The following MDGA1 variants were observed in gnomAD, a reference collection of about 807,000 sequenced individuals.
The protein encoded by MDGA1 is MAM domain containing glycosylphosphatidylinositol anchor 1.
A neutral mutation model predicts 101.5 loss-of-function variants in MDGA1; 54 were observed. That is an observed-to-expected ratio of 0.53 (90% CI 0.43 to 0.67). The LOEUF is 0.67. MDGA1 is among the 30% of genes least tolerant of loss of function. The pLI, the probability that MDGA1 is intolerant of heterozygous loss-of-function variation, is 0.00. For synonymous variants in MDGA1, 533 were observed against 558.3 expected (o/e 0.95, Z 0.64); for missense variants, 1,083 against 1,323.8 (o/e 0.82, Z 2.82).
chr6:37,653,789 T>C (rs1761421217), intron 6 of MDGA1, among the ~76,000 whole-genome samples: 1 of 152,212 alleles, frequency 6.6e-6, no homozygotes, highest in Non-Finnish European at 1.5e-5. Context: ...CATTTAGTAA[T>C]TATCTTCAGA....
intron 9 of MDGA1, chr6:37,648,182 G>C (rs1358686497): frequency 6.6e-6 from 1 of 152,224 alleles, no homozygotes; most frequent in Admixed American, 6.5e-5. Context: ...GGCTGAGAGG[G>C]GTTTCTGGGC....
At position 37,638,059 on chromosome 6, in the gene MDGA1, TCA is replaced by T. The variant is rs1049022822; in HGVS notation, c.2776+144_2776+145del. 2.9e-6 allele frequency: 2 copies of T among 699,884 alleles called. No homozygotes were observed. The highest frequency in any genetic ancestry group is 5.2e-6 in the Non-Finnish European group (2 of 386,410). The allele number at this position is 699,884 out of a possible 1,614,324, so 43.4% of individuals were successfully genotyped here. ...GCCTGAGTGAGTGTGGGGCACACCTTCACACAGTCAGAGCCACATGATTCCCA... is the reference window on the plus strand; with the variant it reads ...GCCTGAGTGAGTGTGGGGCACACCTTCACAGTCAGAGCCACATGATTCCCA... On this transcript the variant is annotated intron_variant, in intron 16 of 16. Coordinates refer to ENST00000434837, the MANE Select transcript of MDGA1 (RefSeq NM_153487.4). The surrounding 1 kb of genome is among the most constrained non-coding windows in gnomAD (Gnocchi z 4.8).
intron 9 of MDGA1, 46 bp downstream of exon 9, chr6:37,648,936 C>T (rs1172103241): frequency 1.3e-6 from 2 of 1,534,000 alleles, no homozygotes; most frequent in South Asian, 1.2e-5. Flanking sequence ...CAGAGCCTGG[C>T]CCCTGGTGGG....
intron 1 of MDGA1, among the ~76,000 whole-genome samples, chr6:37,682,355 G>A (rs1045808426): frequency 2.0e-5 from 3 of 152,138 alleles, no homozygotes; most frequent in Non-Finnish European, 2.9e-5. Flanking sequence ...GTGGTGGCGG[G>A]TGCCTGTAAT....
chr6:37,658,334 A>T lies in MDGA1; in HGVS notation c.293T>A (p.Ile98Asn). The T allele has an allele frequency of 6.2e-7, 1 of 1,613,206 alleles. No homozygotes were observed. Among genetic ancestry groups the T allele is most frequent in the Non-Finnish European group, 8.5e-7 (1 of 1,179,722 alleles). Residue 98 changes from isoleucine (I) to asparagine (N), a missense_variant, in exon 3 of 17, where the codon ATT becomes AAT. Ile to Asn is a moderately radical substitution (Grantham distance 149). Coordinates refer to ENST00000434837, the MANE Select transcript of MDGA1 (RefSeq NM_153487.4). ...GTAGCGGCCGCCCTGCGTGCGTGCAATACGCTCGATGCGCAGCGTCTCGTT... is the reference window on the plus strand; with the variant it reads ...GTAGCGGCCGCCCTGCGTGCGTGCATTACGCTCGATGCGCAGCGTCTCGTT... ...VFNETLRIER[I>N]ARTQGGRYYC... is the part of the protein sequence containing the mutation.
At chr6:37,641,533 C>T (rs542748781) in intron 14 of MDGA1, among the ~76,000 whole-genome samples, 150 of 152,354 alleles carry the variant, frequency 9.8e-4, no homozygotes, top group African/African-American at 3.5e-3. Context: ...TCCCCTTTCG[C>T]TATCTTGACC....
At chr6:37,679,065 C>A (rs1181424939) in intron 1 of MDGA1, among the ~76,000 whole-genome samples, 12 of 151,968 alleles carry the variant, frequency 7.9e-5, no homozygotes, top group Admixed American at 7.9e-4. Flanking sequence ...AAATGCAATA[C>A]CTGCCCTCCT....
At chr6:37,689,584 T>C (rs1359414356) in intron 1 of MDGA1, among the ~76,000 whole-genome samples, 1 of 152,224 alleles carries the variant, frequency 6.6e-6, no homozygotes, top group African/African-American at 2.4e-5. Flanking sequence ...AGAAAGCAGA[T>C]GTAACTTCCT....
At position 37,672,137 on chromosome 6, in the gene MDGA1, T is replaced by C. The variant is rs142291813; in HGVS notation, c.68-8031A>G. 7.8e-3 allele frequency among the ~76,000 whole-genome samples: 1,162 copies of C among 148,558 alleles called. 16 individuals carry two copies. The highest frequency in any genetic ancestry group is 0.028 in the African/African-American group (1,102 of 39,964). ...ACCTGGGTGACAGAGTGAGACTCCA[T>C]CTAAAAAAAAGAAAAAAAAAAAGTT... is the stretch of plus-strand genomic sequence containing the variant. On this transcript the variant is annotated intron_variant, in intron 1 of 16. Transcript: ENST00000434837.
At chr6:37,653,250 A>G (rs538126582) in intron 6 of MDGA1, among the ~76,000 whole-genome samples, 1 of 152,372 alleles carries the variant, frequency 6.6e-6, no homozygotes, top group South Asian at 2.1e-4. Flanking sequence ...AAATGGAATC[A>G]GGTGGAGAAA....
intron 1 of MDGA1, among the ~76,000 whole-genome samples, chr6:37,688,650 A>T (rs966667359): frequency 2.0e-5 from 3 of 152,110 alleles, no homozygotes; most frequent in Non-Finnish European, 4.4e-5. Flanking sequence ...CATGCCACCC[A>T]CACCCGGAGC....
At position 37,644,656 on chromosome 6, in the gene MDGA1, T is replaced by A; in HGVS notation, c.2249-7A>T. The A allele has an allele frequency of 5.7e-6, 9 of 1,565,710 alleles. No homozygotes were observed. The highest frequency in any genetic ancestry group is 7.8e-6 in the Non-Finnish European group (9 of 1,155,718). The stretch of plus-strand genomic sequence containing the variant: ...TCAAAGTGGCAGGTGTTGTCTGCAT[T>A]TTATGGGGCGAATGAGACAAAGAGT... On this transcript the variant is annotated splice_region_variant and splice_polypyrimidine_tract_variant and intron_variant, in intron 12 of 16. Coordinates refer to ENST00000434837, the MANE Select transcript of MDGA1 (RefSeq NM_153487.4).
rs1763890145 is a variant in MDGA1 at position 37,634,804 on chromosome 6, C to G, written c.*2564G>C. On this transcript the variant is annotated 3_prime_UTR_variant, in exon 17 of 17. Coordinates refer to ENST00000434837, the MANE Select transcript of MDGA1 (RefSeq NM_153487.4). This position sits in a 1 kb window ranked among gnomAD's most constrained non-coding sequence, Gnocchi z 4.7. Reference sequence around the variant, plus strand: ...CCCTTCGTCCATAAAGACCAGGAACCTGGGGGCCACATGTATGCAGTTCAG... The same window carrying G: ...CCCTTCGTCCATAAAGACCAGGAACGTGGGGGCCACATGTATGCAGTTCAG... The G allele has an allele frequency of 6.5e-6, 1 of 152,748 alleles. No homozygotes were observed. The highest frequency in any genetic ancestry group is 1.5e-5 in the Non-Finnish European group (1 of 68,464). The allele number at this position is 152,748 out of a possible 1,614,324, so 9.5% of individuals were successfully genotyped here.
chr6:37,673,571 G>T (rs532835108), intron 1 of MDGA1, among the ~76,000 whole-genome samples: 1 of 152,326 alleles, frequency 6.6e-6, no homozygotes, highest in South Asian at 2.1e-4. Context: ...GCCATCAAGC[G>T]TGGGCCTCTT....
In MDGA1 at chr6:37,635,133, A is replaced by T. The variant is rs974351692; in HGVS notation, c.*2235T>A. Reference sequence around the variant, plus strand: ...GCTTTTCAACATTTCTTGATGTCCGACTGCGCTCCAGTCCAATTAACTCAG... The same window carrying T: ...GCTTTTCAACATTTCTTGATGTCCGTCTGCGCTCCAGTCCAATTAACTCAG... On this transcript the variant is annotated 3_prime_UTR_variant, in exon 17 of 17. Transcript: ENST00000434837. The T allele has an allele frequency of 3.5e-5, 8 of 226,916 alleles. No homozygotes were observed. The highest frequency in any genetic ancestry group is 1.6e-4 in the African/African-American group (7 of 44,386). The allele number at this position is 226,916 out of a possible 1,614,324, so 14.1% of individuals were successfully genotyped here. A position where few individuals can be genotyped will look rare whatever the true frequency, so the allele number is the denominator to read the frequency against.
chr6:37,658,964 G>C (rs1356471965), intron 2 of MDGA1, among the ~76,000 whole-genome samples: 1 of 45,104 alleles, frequency 2.2e-5, no homozygotes, highest in Non-Finnish European at 3.8e-5. Flanking sequence ...GAGCAAGACT[G>C]TTTCAAAAAA....
At chr6:37,662,051 T>C (rs1581606534) in intron 2 of MDGA1, among the ~76,000 whole-genome samples, 1 of 148,434 alleles carries the variant, frequency 6.7e-6, no homozygotes, top group Non-Finnish European at 1.5e-5. Context: ...TAGTCCCAGG[T>C]ACTTGGGAGG....
intron 14 of MDGA1, among the ~76,000 whole-genome samples, chr6:37,640,245 A>G (rs1053062564): frequency 1.3e-5 from 2 of 152,194 alleles, no homozygotes; most frequent in Non-Finnish European, 2.9e-5. Flanking sequence ...GAATAGGCTG[A>G]GCAAAAGCCC....
At chr6:37,672,034 G>A (rs1379005735) in intron 1 of MDGA1, among the ~76,000 whole-genome samples, 1 of 151,960 alleles carries the variant, frequency 6.6e-6, no homozygotes. Context: ...CCAGTTACTC[G>A]GGAGGCTGAG....
Sources: allele counts gnomAD v4.1 joint callset (sites outside exome capture counted in the v4.1 genomes callset), GRCh38; gene constraint gnomAD v4.1.1; non-coding constraint Gnocchi (gnomAD v3.1); transcripts MANE v1.5; gene names NCBI Gene and HGNC (gene_info 2026-07-23, HGNC 2026-07-21).